The following SRPK2 variants were observed in gnomAD, a reference collection of about 807,000 sequenced individuals.
SRPK2 encodes the protein SFRS protein kinase 2.
In SRPK2, 21 loss-of-function variants were observed where a neutral mutation model predicts 90.8. The observed-to-expected ratio is 0.23, with a 90% confidence interval of 0.16 to 0.33. The LOEUF is 0.33. SRPK2 is among the 10% of genes least tolerant of loss of function. The probability of loss-of-function intolerance (pLI) is 1.00; values close to 1 mark genes in which losing one functional copy is unlikely to be tolerated. For synonymous variants in SRPK2, 288 were observed against 311.1 expected, an observed-to-expected ratio of 0.93 and a Z score of 0.78; for missense variants, 620 against 869.0, an observed-to-expected ratio of 0.71 and a Z score of 3.60.
chr7:105,378,873 T>C (rs545345688), intron 2 of SRPK2, among the ~76,000 whole-genome samples: 1 of 152,212 alleles, frequency 6.6e-6, no homozygotes, highest in Non-Finnish European at 1.5e-5. Flanking sequence ...ACAATGACAC[T>C]GCCAAGTGTG....
chr7:105,316,333 G>A (rs1052174306), intron 2 of SRPK2, among the ~76,000 whole-genome samples: 2 of 152,082 alleles, frequency 1.3e-5, no homozygotes, highest in Non-Finnish European at 2.9e-5. Context: ...TGTGCATTAA[G>A]GCCTAGGAAA....
chr7:105,370,616 CTTTTT>C (rs199888481), intron 2 of SRPK2, among the ~76,000 whole-genome samples: 1 of 129,972 alleles, frequency 7.7e-6, no homozygotes, highest in Non-Finnish European at 1.6e-5. Context: ...TTTTTTCTTT[CTTTTT>C]TTTTTTTTTT....
chr7:105,257,586 C>G (rs1212004973), intron 2 of SRPK2, among the ~76,000 whole-genome samples: 1 of 152,152 alleles, frequency 6.6e-6, no homozygotes, highest in Non-Finnish European at 1.5e-5. Context: ...ATTTATGTCC[C>G]TTTATGACAC....
At chr7:105,290,339 T>C (rs1808802608) in intron 2 of SRPK2, among the ~76,000 whole-genome samples, 2 of 148,656 alleles carry the variant, frequency 1.3e-5, no homozygotes. Context: ...AAAATATATA[T>C]AAAAAATTAG....
At chr7:105,368,031 A>G (rs779520189) in intron 2 of SRPK2, among the ~76,000 whole-genome samples, 1 of 152,212 alleles carries the variant, frequency 6.6e-6, no homozygotes, top group Admixed American at 6.5e-5. Context: ...GCTTAGAATC[A>G]TCTAAAGTGT....
intron 2 of SRPK2, among the ~76,000 whole-genome samples, chr7:105,291,695 A>C (rs567575971): frequency 6.6e-6 from 1 of 152,108 alleles, no homozygotes. Flanking sequence ...GCACCACTGC[A>C]CTCCAGCCTG....
At chr7:105,219,001 G>A (rs1046323426) in intron 2 of SRPK2, among the ~76,000 whole-genome samples, 2 of 152,084 alleles carry the variant, frequency 1.3e-5, no homozygotes, top group Middle Eastern at 3.2e-3. Flanking sequence ...GCAGCTATAA[G>A]CAAAAGTGGC....
intron 2 of SRPK2, among the ~76,000 whole-genome samples, chr7:105,280,805 G>C (rs1286251562): frequency 8.6e-5 from 13 of 151,028 alleles, no homozygotes; most frequent in Admixed American, 6.6e-4. Flanking sequence ...AAATTAGCCG[G>C]GCGTGGTGGC....
intron 11 of SRPK2, among the ~76,000 whole-genome samples, chr7:105,141,748 C>T (rs1475128347): frequency 6.6e-6 from 1 of 152,130 alleles, no homozygotes; most frequent in Non-Finnish European, 1.5e-5. Context: ...AAGGTTTTTG[C>T]AAATGATGCT....
chr7:105,264,058 G>A (rs914675712), intron 2 of SRPK2, among the ~76,000 whole-genome samples: 4 of 152,152 alleles, frequency 2.6e-5, no homozygotes, highest in East Asian at 1.9e-4. Context: ...GGAAAACAAC[G>A]AAGAAAGACC....
intron 2 of SRPK2, among the ~76,000 whole-genome samples, chr7:105,225,727 A>C (rs1319748679): frequency 6.6e-6 from 1 of 152,206 alleles, no homozygotes; most frequent in Non-Finnish European, 1.5e-5. Flanking sequence ...ATAGTAAATA[A>C]ATTCAGTAAT....
intron 2 of SRPK2, among the ~76,000 whole-genome samples, chr7:105,376,386 C>A (rs989925565): frequency 9.2e-5 from 14 of 151,676 alleles, no homozygotes; most frequent in African/African-American, 3.2e-4. Context: ...GTCCGTCTAC[C>A]CTCACCCCAT....
chr7:105,124,203 G>A (rs1176457389), intron 15 of SRPK2, among the ~76,000 whole-genome samples: 2 of 152,230 alleles, frequency 1.3e-5, no homozygotes, highest in African/African-American at 4.8e-5. Context: ...CATGCCTGCA[G>A]GCCGCTGACA....
intron 2 of SRPK2, among the ~76,000 whole-genome samples, chr7:105,211,459 G>T (rs1405600406): frequency 6.6e-6 from 1 of 152,102 alleles, no homozygotes; most frequent in Non-Finnish European, 1.5e-5. Context: ...AATGATGCTG[G>T]CATCTGCTAA....
chr7:105,166,760 A>C (rs10238507), intron 6 of SRPK2, among the ~76,000 whole-genome samples: 43,937 of 152,066 alleles, frequency 0.29, 6,822 homozygotes, highest in Non-Finnish European at 0.35. Context: ...TGCAATATAG[A>C]TAACCAGGAA....
rs191686313 is a variant in SRPK2 at position 105,163,889 on chromosome 7, G to A, written c.515-3276C>T. Among the ~76,000 whole-genome samples, 338 of 152,260 alleles carry A rather than the reference G, an allele frequency of 2.2e-3. 1 individual carries two copies. Among genetic ancestry groups the A allele is most frequent in the Middle Eastern group, 6.8e-3 (2 of 294 alleles). ...CAACAGCCAACACCACAGACTTCAC[G>A]ACTGGTTCAACTTATGCAATTCCAA... On this transcript the variant is annotated intron_variant, in intron 6 of 15. Transcript: ENST00000393651.
chr7:105,364,479 C>T (rs1818805150), intron 2 of SRPK2, among the ~76,000 whole-genome samples: 2 of 147,604 alleles, frequency 1.4e-5, no homozygotes, highest in African/African-American at 2.5e-5. Context: ...TGGCTCACTG[C>T]AACCGCCACC....
chr7:105,304,061 C>G (rs895146358), intron 2 of SRPK2, among the ~76,000 whole-genome samples: 1 of 152,204 alleles, frequency 6.6e-6, no homozygotes, highest in Non-Finnish European at 1.5e-5. Context: ...AAGAAAACAT[C>G]CATCTCAAAA....
chr7:105,183,880 A>C (rs972378900), intron 3 of SRPK2, among the ~76,000 whole-genome samples: 15 of 152,158 alleles, frequency 9.9e-5, no homozygotes. Context: ...AAATACAACT[A>C]AGTGTTCAAC....
Sources: allele counts gnomAD v4.1 joint callset (sites outside exome capture counted in the v4.1 genomes callset), GRCh38; gene constraint gnomAD v4.1.1; transcripts MANE v1.5; gene names NCBI Gene and HGNC (gene_info 2026-07-23, HGNC 2026-07-21).